Variants in ULK4 observed in about 807,000 individuals in gnomAD.
ULK4 encodes inactive serine/threonine-protein kinase ULK4.
ULK4 carries 133 observed loss-of-function variants against 160.6 expected under a neutral mutation model. The ratio of observed to expected loss-of-function variants is 0.83; its 90% CI spans 0.72 to 0.96. The LOEUF is 0.96. Among genes scored for constraint, ULK4 ranks in the 40% least tolerant of loss-of-function variants. The probability of loss-of-function intolerance (pLI) is 0.00; values close to 1 mark genes in which losing one functional copy is unlikely to be tolerated. For synonymous variants in ULK4, 534 were observed against 539.8 expected (o/e 0.99, Z 0.15); for missense variants, 1,580 against 1,499.5 (o/e 1.05, Z -0.89).
intron 35 of ULK4, among the ~76,000 whole-genome samples, chr3:41,273,162 A>T (rs2079167501): frequency 6.6e-6 from 1 of 152,214 alleles, no homozygotes; most frequent in South Asian, 2.1e-4. Flanking sequence ...TATTCCTAAA[A>T]ATACTCTTGA....
chr3:41,306,784 T>C (rs1011508501), intron 35 of ULK4, among the ~76,000 whole-genome samples: 6 of 151,750 alleles, frequency 4.0e-5, no homozygotes, highest in African/African-American at 1.5e-4. Context: ...GGGAGACTTT[T>C]CATTTTGTTC....
At chr3:41,857,756 T>C (rs1040220370) in intron 17 of ULK4, among the ~76,000 whole-genome samples, 1 of 152,228 alleles carries the variant, frequency 6.6e-6, no homozygotes, top group Non-Finnish European at 1.5e-5. Context: ...TGGCATATAG[T>C]TGACATAGCA....
chr3:41,832,808 T>C (rs2041634670), intron 18 of ULK4, among the ~76,000 whole-genome samples: 1 of 152,218 alleles, frequency 6.6e-6, no homozygotes, highest in African/African-American at 2.4e-5. Context: ...CCTTTCCCCA[T>C]TGCTTTTGTC....
chr3:41,835,342 T>C (rs1274589880), intron 18 of ULK4, among the ~76,000 whole-genome samples: 1 of 152,222 alleles, frequency 6.6e-6, no homozygotes, highest in Non-Finnish European at 1.5e-5. Flanking sequence ...ATAATATTCT[T>C]TTTAAAAAAC....
chr3:41,655,566 G>T (rs2034908939), intron 30 of ULK4, among the ~76,000 whole-genome samples: 1 of 152,026 alleles, frequency 6.6e-6, no homozygotes, highest in African/African-American at 2.4e-5. Context: ...AATTATCTAG[G>T]TGTAGCAGCA....
At chr3:41,820,598 G>A (rs1381103333) in intron 18 of ULK4, among the ~76,000 whole-genome samples, 1 of 152,040 alleles carries the variant, frequency 6.6e-6, no homozygotes, top group Non-Finnish European at 1.5e-5. Context: ...ACAGAAGATA[G>A]GAACAAAAGA....
intron 29 of ULK4, among the ~76,000 whole-genome samples, chr3:41,678,545 G>A (rs76321999): frequency 8.4e-4 from 128 of 152,164 alleles, no homozygotes; most frequent in African/African-American, 3.0e-3. Flanking sequence ...ACACATACAC[G>A]GAGCATCACA....
At position 41,961,550 on chromosome 3, in the gene ULK4, A is replaced by ACCCCCCCTCCCCCCCCCCC. The variant is rs1700669869; in HGVS notation, c.-49+465_-49+466insGGGGGGGGGGGAGGGGGGG. 1.4e-4 allele frequency among the ~76,000 whole-genome samples: 17 copies of ACCCCCCCTCCCCCCCCCCC among 124,698 alleles called. 2 individuals are homozygous for ACCCCCCCTCCCCCCCCCCC. The highest frequency in any genetic ancestry group is 3.7e-4 in the Admixed American group (5 of 13,508). The allele number at this position is 124,698 out of a possible 152,430, so 81.8% of individuals were successfully genotyped here. A position where few individuals can be genotyped will look rare whatever the true frequency, so the allele number is the denominator to read the frequency against. On this transcript the variant is annotated intron_variant, in intron 1 of 36. Transcript: ENST00000301831. Reference sequence around the variant, plus strand: ...ACTCAGGGGCGCTACGTAGTCACTCACCCCCCCCCCCCCCCCCCCCGCTCC... The same window carrying ACCCCCCCTCCCCCCCCCCC: ...ACTCAGGGGCGCTACGTAGTCACTCACCCCCCCTCCCCCCCCCCCCCCCCCCCCCCCCCCCCCCCGCTCC...
intron 20 of ULK4, among the ~76,000 whole-genome samples, chr3:41,799,852 C>T (rs1165695756): frequency 6.6e-6 from 1 of 152,068 alleles, no homozygotes; most frequent in African/African-American, 2.4e-5. Context: ...GACAGAGGGA[C>T]ACTCTGTCTC....
intron 3 of ULK4, chr3:41,937,441 T>C (rs1218333833): frequency 1.7e-6 from 1 of 601,778 alleles, no homozygotes; most frequent in East Asian, 2.8e-5. Context: ...TGCATAAAGC[T>C]AGTAATAATT....
At chr3:41,820,465 C>A (rs780673712) in intron 18 of ULK4, among the ~76,000 whole-genome samples, 3 of 152,116 alleles carry the variant, frequency 2.0e-5, no homozygotes, top group South Asian at 2.1e-4. Flanking sequence ...ATATCCACCA[C>A]GAAATACTAC....
intron 18 of ULK4, among the ~76,000 whole-genome samples, chr3:41,834,519 A>T (rs1200122498): frequency 6.6e-6 from 1 of 152,224 alleles, no homozygotes; most frequent in Non-Finnish European, 1.5e-5. Flanking sequence ...CTGATATGCG[A>T]AGGGCCAGGA....
rs112427836 is a variant in ULK4 at position 41,395,234 on chromosome 3, C to A, written c.3678+2845G>T. ...AGATGGAGAATGTCAAATGACATAG[C>A]AGACATCCAAAAGCCATTCCCATTA... On this transcript the variant is annotated intron_variant, in intron 35 of 36. Coordinates refer to ENST00000301831, the MANE Select transcript of ULK4 (RefSeq NM_017886.4). 3.1e-3 allele frequency among the ~76,000 whole-genome samples: 463 copies of A among 149,216 alleles called. 4 individuals carry two copies. The South Asian group carries it at 0.04, about 13-fold the overall frequency.
At chr3:41,569,613 T>C (rs1014181683) in intron 31 of ULK4, among the ~76,000 whole-genome samples, 10 of 152,130 alleles carry the variant, frequency 6.6e-5, no homozygotes, top group African/African-American at 2.2e-4. Context: ...TTTTCACACA[T>C]ATTGTAATAA....
intron 31 of ULK4, among the ~76,000 whole-genome samples, chr3:41,570,095 C>T (rs1390978519): frequency 6.6e-6 from 1 of 152,182 alleles, no homozygotes; most frequent in Non-Finnish European, 1.5e-5. Context: ...GTTTCCAAGG[C>T]TTACAAAAAT....
chr3:41,819,393 C>T, intron 19 of ULK4, 30 bp downstream of exon 19: 1 of 1,600,368 alleles, frequency 6.2e-7, no homozygotes. Flanking sequence ...CAATTGCCAG[C>T]ATCTACAGAG....
chr3:41,556,367 A>T (rs778250611), intron 32 of ULK4, among the ~76,000 whole-genome samples: 2 of 151,938 alleles, frequency 1.3e-5, no homozygotes, highest in Admixed American at 6.6e-5. Context: ...GACATGGAAA[A>T]TTTTTTTAAA....
At chr3:41,693,911 C>G (rs1370587422) in intron 27 of ULK4, among the ~76,000 whole-genome samples, 1 of 152,190 alleles carries the variant, frequency 6.6e-6, no homozygotes, top group East Asian at 1.9e-4. Flanking sequence ...TATAACCACA[C>G]TAGGAGTGGG....
At chr3:41,432,235 C>T (rs1368197731) in intron 34 of ULK4, among the ~76,000 whole-genome samples, 5 of 152,080 alleles carry the variant, frequency 3.3e-5, no homozygotes, top group Non-Finnish European at 7.4e-5. Context: ...TCAGTATGAC[C>T]TTGAAATAGA....
Sources: gnomAD v4.1 joint callset for allele counts (sites outside exome capture counted in the v4.1 genomes callset) on GRCh38, gnomAD v4.1.1 for gene constraint, MANE v1.5 for transcripts, NCBI Gene and HGNC (gene_info 2026-07-23, HGNC 2026-07-21) for gene names.